The following ZFAND3 variants were observed in gnomAD, a reference collection of about 807,000 sequenced individuals.
ZFAND3 encodes the protein AN1-type zinc finger protein 3.
A neutral mutation model predicts 29.6 loss-of-function variants in ZFAND3; 10 were observed. That is an observed-to-expected ratio of 0.34 (90% CI 0.21 to 0.57). The LOEUF (loss-of-function observed/expected upper bound fraction) is 0.57. Ranked by LOEUF, ZFAND3 falls within the 20% of genes least tolerant of loss-of-function variation. ZFAND3 has a pLI of 0.86. For missense variants in ZFAND3, 230 were observed against 304.5 expected, an observed-to-expected ratio of 0.76 and a Z score of 1.82; for synonymous variants, 128 against 112.6, an observed-to-expected ratio of 1.14 and a Z score of -0.87.
intron 5 of ZFAND3, among the ~76,000 whole-genome samples, chr6:38,146,457 G>T (rs959456287): frequency 6.6e-6 from 1 of 152,122 alleles, no homozygotes; most frequent in Non-Finnish European, 1.5e-5. Flanking sequence ...TGAAATCGAG[G>T]GCTCATCCTA....
chr6:37,860,545 G>C (rs962023225), intron 1 of ZFAND3, among the ~76,000 whole-genome samples: 3 of 151,528 alleles, frequency 2.0e-5, no homozygotes, highest in Admixed American at 2.0e-4. Context: ...GTTATAGGGG[G>C]TATCATTTTG....
At chr6:37,923,803 T>C (rs915265629) in intron 1 of ZFAND3, among the ~76,000 whole-genome samples, 11 of 152,182 alleles carry the variant, frequency 7.2e-5, no homozygotes, top group African/African-American at 2.4e-4. Context: ...AGTATCATTA[T>C]GCAGTGCATG....
Position 38,051,331 on chromosome 6 carries a change from G to T in ZFAND3, c.113-10262G>T, listed in dbSNP as rs553029042. The stretch of plus-strand genomic sequence containing the variant: ...AAATAATCAGTGATCTAAAAAGGGG[G>T]GTGCTAACCTGCTGTTTTTGCTAAT... On this transcript the variant is annotated intron_variant, in intron 2 of 5. Transcript: ENST00000287218. 3.9e-5 allele frequency among the ~76,000 whole-genome samples: 6 copies of T among 152,256 alleles called. No individual in the cohort carries two copies. In the East Asian group the frequency reaches 9.6e-4, roughly 24 times the overall value.
At chr6:38,138,142 T>C (rs1025092265) in intron 5 of ZFAND3, among the ~76,000 whole-genome samples, 3 of 151,840 alleles carry the variant, frequency 2.0e-5, no homozygotes, top group African/African-American at 7.3e-5. Flanking sequence ...TGAGACCTTG[T>C]CTCTATTAAA....
intron 2 of ZFAND3, among the ~76,000 whole-genome samples, chr6:37,952,464 T>G (rs1762014548): frequency 1.3e-5 from 2 of 152,210 alleles, no homozygotes; most frequent in African/African-American, 2.4e-5. Context: ...TATCCATTTC[T>G]TCTAGATTTT....
chr6:37,977,005 T>G (rs951744510), intron 2 of ZFAND3, among the ~76,000 whole-genome samples: 2 of 152,206 alleles, frequency 1.3e-5, no homozygotes, highest in African/African-American at 2.4e-5. Flanking sequence ...AGATACCTTT[T>G]ATGGTCATGT....
In ZFAND3 at chr6:37,941,896, G is replaced by A. The variant is rs7770212; in HGVS notation, c.112+11897G>A. Reference sequence around the variant, plus strand: ...TGGAAAAGCCTGTCCTTTGCTTTGTGTATTTGCTCATTTGGAAACCTTGTA... The same window carrying A: ...TGGAAAAGCCTGTCCTTTGCTTTGTATATTTGCTCATTTGGAAACCTTGTA... On this transcript the variant is annotated intron_variant, in intron 2 of 5. Coordinates refer to ENST00000287218, the MANE Select transcript of ZFAND3 (RefSeq NM_021943.3). Among the ~76,000 whole-genome samples, 1,115 of 152,248 alleles carry A rather than the reference G, an allele frequency of 7.3e-3. 11 individuals carry two copies. Among genetic ancestry groups the A allele is most frequent in the African/African-American group, 0.025 (1,046 of 41,532 alleles).
At chr6:38,003,838 C>G in intron 2 of ZFAND3, 1 of 448,624 alleles carries the variant, frequency 2.2e-6, no homozygotes, top group Non-Finnish European at 4.5e-6. Context: ...ATTTGTATAT[C>G]TTTTTCCTTC....
chr6:37,996,783 C>T (rs1308561497), intron 2 of ZFAND3, among the ~76,000 whole-genome samples: 1 of 151,866 alleles, frequency 6.6e-6, no homozygotes, highest in African/African-American at 2.4e-5. Context: ...TATTTGTAAC[C>T]TTATATTCTA....
At chr6:37,850,804 G>A (rs1208128705) in intron 1 of ZFAND3, among the ~76,000 whole-genome samples, 1 of 152,118 alleles carries the variant, frequency 6.6e-6, no homozygotes, top group East Asian at 1.9e-4. Context: ...TTGCTATGTT[G>A]CCAAGGCTGG....
At chr6:37,878,441 G>A (rs1472984521) in intron 1 of ZFAND3, among the ~76,000 whole-genome samples, 15 of 151,956 alleles carry the variant, frequency 9.9e-5, no homozygotes, top group Admixed American at 9.8e-4. Context: ...AGCTCTGAGA[G>A]GTGAGGCAGG....
intron 1 of ZFAND3, among the ~76,000 whole-genome samples, chr6:37,889,329 T>C (rs1765053725): frequency 6.6e-6 from 1 of 152,206 alleles, no homozygotes; most frequent in South Asian, 2.1e-4. Flanking sequence ...TTACATGTTA[T>C]TTGCCAGATC....
intron 2 of ZFAND3, among the ~76,000 whole-genome samples, chr6:38,006,107 C>T (rs76867046): frequency 0.08 from 12,238 of 152,170 alleles, 579 homozygotes; most frequent in African/African-American, 0.14. Flanking sequence ...ACTTCAGTTT[C>T]TTGTAGTTAC....
rs137880247 is a variant in ZFAND3 at position 38,120,255 on chromosome 6, C to T, written c.529+3516C>T. On this transcript the variant is annotated intron_variant, in intron 5 of 5. Transcript: ENST00000287218. ...GGCCATCTTCATCAAATCTGGGCCA[C>T]GTCACAGCCACAAGAATGCCGTCTT... 2.3e-3 allele frequency among the ~76,000 whole-genome samples: 345 copies of T among 150,000 alleles called. 1 individual carries two copies. The highest frequency in any genetic ancestry group is 7.7e-3 in the African/African-American group (315 of 40,948).
intron 2 of ZFAND3, among the ~76,000 whole-genome samples, chr6:38,042,010 G>T (rs576459456): frequency 5.4e-5 from 8 of 148,490 alleles, no homozygotes; most frequent in East Asian, 2.0e-4. Context: ...TTTTTTTTGG[G>T]GGGGAGGGGG....
At chr6:37,828,753 G>A (rs899368109) in intron 1 of ZFAND3, among the ~76,000 whole-genome samples, 6 of 151,870 alleles carry the variant, frequency 4.0e-5, no homozygotes, top group African/African-American at 1.5e-4. Flanking sequence ...GATTCAAGCC[G>A]ATTTCTTCTG....
chr6:38,006,602 A>G (rs1352110022), intron 2 of ZFAND3, among the ~76,000 whole-genome samples: 1 of 151,722 alleles, frequency 6.6e-6, no homozygotes, highest in Non-Finnish European at 1.5e-5. Context: ...TCCTTCTCAG[A>G]AAACTTCTGT....
At chr6:38,071,470 C>G (rs1018157269) in intron 3 of ZFAND3, among the ~76,000 whole-genome samples, 1 of 151,820 alleles carries the variant, frequency 6.6e-6, no homozygotes, top group Non-Finnish European at 1.5e-5. Flanking sequence ...ATTGAATAGT[C>G]CTAGTTTAAA....
At chr6:37,951,860 G>A (rs1020120826) in intron 2 of ZFAND3, among the ~76,000 whole-genome samples, 7 of 152,182 alleles carry the variant, frequency 4.6e-5, no homozygotes, top group African/African-American at 1.7e-4. Context: ...TTTGAGGTAT[G>A]TTCCTTCAGT....
Sources: allele counts gnomAD v4.1 joint callset (sites outside exome capture counted in the v4.1 genomes callset), GRCh38; gene constraint gnomAD v4.1.1; transcripts MANE v1.5; gene names NCBI Gene and HGNC (gene_info 2026-07-23, HGNC 2026-07-21).